Variants in CSTF2T observed in about 807,000 individuals in gnomAD.
The protein encoded by CSTF2T is CF-1 64 kDa subunit tau.
In CSTF2T, 18 loss-of-function variants were observed where a neutral mutation model predicts 39.9. The ratio of observed to expected loss-of-function variants is 0.45; its 90% CI spans 0.31 to 0.67. The LOEUF (loss-of-function observed/expected upper bound fraction) is 0.67. CSTF2T is among the 30% of genes least tolerant of loss of function. The pLI is 0.06. For missense variants in CSTF2T, 681 were observed against 789.0 expected (o/e 0.86, Z 1.64); for synonymous variants, 291 against 276.4 (o/e 1.05, Z -0.52).
chr10:51,699,589 G>T lies in CSTF2T; in HGVS notation c.-40C>A. On this transcript the variant is annotated 5_prime_UTR_variant, in exon 1 of 1. Coordinates refer to ENST00000331173, the MANE Select transcript of CSTF2T (RefSeq NM_015235.3). ...AGACAGCCGATAGCGGATTCTTCGA[G>T]GCGTCTGTCCTCTTGCGACCGACAC... is the stretch of plus-strand genomic sequence containing the variant. 6.3e-7 allele frequency: 1 copy of T among 1,575,512 alleles called. No individual in the cohort carries two copies. Among genetic ancestry groups the T allele is most frequent in the South Asian group, 1.2e-5 (1 of 85,028 alleles).
Position 51,698,294 on chromosome 10 carries a change from T to G in CSTF2T, c.1256A>C (p.Glu419Ala), listed in dbSNP as rs775981203. The change falls in exon 1 of 1, where the codon GAG (glutamate) becomes GCG (alanine). Residue 419 changes from glutamate to alanine, a missense_variant. Physicochemically the swap from Glu to Ala is moderately radical, Grantham distance 107 (BLOSUM62 -1). Transcript: ENST00000331173. ...GRGGRDSRAM[E>A]TRAMETEVLE... is the part of the protein sequence containing the mutation. The stretch of plus-strand genomic sequence containing the variant: ...GACCTCAGTTTCCATGGCACGAGTC[T>G]CCATCGCTCGAGAATCTCTACCACC... 6.8e-6 allele frequency: 11 copies of G among 1,614,132 alleles called. No individual in the cohort carries two copies. Among genetic ancestry groups the G allele is most frequent in the Non-Finnish European group, 9.3e-6 (11 of 1,180,034 alleles).
In CSTF2T at chr10:51,699,480, G is replaced by A; in HGVS notation, c.70C>T (p.Pro24Ser). The A allele has an allele frequency of 6.2e-7, 1 of 1,613,760 alleles. No homozygotes were observed. The highest frequency in any genetic ancestry group is 8.5e-7 in the Non-Finnish European group (1 of 1,179,986). The change falls in exon 1 of 1, where the codon CCA (proline) becomes TCA (serine). Residue 24 changes from proline (P) to serine (S), a missense_variant. Pro to Ser is a moderately conservative substitution (Grantham distance 74). Coordinates refer to ENST00000331173, the MANE Select transcript of CSTF2T (RefSeq NM_015235.3). Reference sequence around the variant, plus strand: ...AACTGCTCCTCAGTTGCCTCATATGGAATGTTCCCCACGAACACGGAACGC... The same window carrying A: ...AACTGCTCCTCAGTTGCCTCATATGAAATGTTCCCCACGAACACGGAACGC... The part of the protein sequence containing the change: ...SLRSVFVGNI[P>S]YEATEEQLKD...
rs757945354 is a variant in CSTF2T at position 51,697,707 on chromosome 10, C to G, written c.1843G>C (p.Ala615Pro). 1.2e-6 allele frequency: 2 copies of G among 1,614,120 alleles called. No homozygotes were observed. Among genetic ancestry groups the G allele is most frequent in the East Asian group, 2.2e-5 (1 of 44,882 alleles). Residue 615 changes from alanine to proline, a missense_variant, in exon 1 of 1, where the codon GCG (alanine) becomes CCG (proline). Ala to Pro is a conservative substitution (Grantham distance 27, BLOSUM62 -1). Coordinates refer to ENST00000331173, the MANE Select transcript of CSTF2T (RefSeq NM_015235.3). ...ATATTTTCTAAAACCTTTCAAGACG[C>G]TCCAGTGGATTTCTGGATTTGTTCC... The part of the protein sequence containing the change: ...LKEQIQKSTG[A>P]S
At position 51,697,898 on chromosome 10, in the gene CSTF2T, GC is replaced by G; in HGVS notation, c.1651del (p.Ala551GlnfsTer29). The part of the protein sequence containing the change: ...GGIQGGGIQG[A>X]SKQGGSQPSS... ...AGGCTGGCTTCCACCTTGCTTGCTT[GC>G]CCCCTGTATACCTCCTCCTTGTATA... is the stretch of plus-strand genomic sequence containing the variant. On this transcript the variant is annotated frameshift_variant, in exon 1 of 1. Transcript: ENST00000331173. LOFTEE classifies it high-confidence loss of function. The G allele has an allele frequency of 6.2e-7, 1 of 1,609,636 alleles. No homozygotes were observed. The highest frequency in any genetic ancestry group is 1.1e-5 in the South Asian group (1 of 90,702).
In CSTF2T at chr10:51,698,144, C is replaced by G. The variant is rs774169015; in HGVS notation, c.1406G>C (p.Gly469Ala). ...EMRGPVPSSR[G>A]PMTGGIQGPG... is the part of the protein sequence containing the mutation. ...ACCCTGAATTCCACCAGTCATAGGGCCTCTTGAACTGGGGACAGGGCCCCT... is the reference window on the plus strand; with the variant it reads ...ACCCTGAATTCCACCAGTCATAGGGGCTCTTGAACTGGGGACAGGGCCCCT... The change falls in exon 1 of 1, where the codon GGC (glycine) becomes GCC (alanine). Residue 469 changes from glycine to alanine, a missense_variant. This residue lies in a region of CSTF2T where 282 missense variants were observed against 289.2 expected (regional missense o/e 0.98). Transcript: ENST00000331173. 3.7e-6 allele frequency: 6 copies of G among 1,614,142 alleles called. No homozygotes were observed. The East Asian group carries it at 1.1e-4, about 30-fold the overall frequency.
Position 51,699,060 on chromosome 10 carries a change from G to A in CSTF2T, c.490C>T (p.Gln164Ter). ...SHQEARNMLL[Q>*]NPQLAYALLQ... ...AGTGCATAAGCCAGTTGTGGATTTT[G>A]AAGTAACATGTTTCGAGCTTCCTGG... Residue 164 changes from glutamine (Q) to a stop codon, truncating the protein, a stop_gained, in exon 1 of 1, where the codon CAA becomes TAA. Transcript: ENST00000331173. LOFTEE classifies it high-confidence loss of function. 6.2e-7 allele frequency: 1 copy of A among 1,614,214 alleles called. No homozygotes were observed. The highest frequency in any genetic ancestry group is 8.5e-7 in the Non-Finnish European group (1 of 1,180,034).
chr10:51,699,278 T>C lies in CSTF2T; in HGVS notation c.272A>G (p.Asn91Ser). The change falls in exon 1 of 1, where the codon AAT becomes AGT. Residue 91 changes from asparagine to serine, a missense_variant. Physicochemically the swap from Asn to Ser is conservative, Grantham distance 46. Coordinates refer to ENST00000331173, the MANE Select transcript of CSTF2T (RefSeq NM_015235.3). The stretch of plus-strand genomic sequence containing the variant: ...CTCCTTATTCTTTTCACTGGCAGCA[T>C]TGTCCACCCGAAGCGCTCTCCCACT... Reference protein sequence around the residue: ...EFSGRALRVDNAASEKNKEEL... With the variant: ...EFSGRALRVDSAASEKNKEEL... 1 of 1,614,056 alleles carries C rather than the reference T, an allele frequency of 6.2e-7. No homozygotes were observed. The highest frequency in any genetic ancestry group is 8.5e-7 in the Non-Finnish European group (1 of 1,179,998).
In CSTF2T at chr10:51,696,403, A is replaced by G. The variant is rs1643907144; in HGVS notation, c.*1296T>C. On this transcript the variant is annotated 3_prime_UTR_variant, in exon 1 of 1. Transcript: ENST00000331173. ...ATATCATGTATAACTCATCCAGATC[A>G]ACTAGTCCCTAGACACTGATTTTTG... The G allele has an allele frequency of 6.6e-6, 1 of 152,132 alleles. No individual in the cohort carries two copies. The highest frequency in any genetic ancestry group is 2.4e-5 in the African/African-American group (1 of 41,428). 9.4% of individuals were successfully genotyped at this position (152,132 alleles called of 1,614,324 possible). A position where few individuals can be genotyped will look rare whatever the true frequency, so the allele number is the denominator to read the frequency against.
rs1435126491 is a variant in CSTF2T at position 51,698,427 on chromosome 10, G to T, written c.1123C>A (p.Pro375Thr). The change falls in exon 1 of 1, where the codon CCT becomes ACT. Residue 375 changes from proline to threonine, a missense_variant. Pro to Thr is a conservative substitution (Grantham distance 38, BLOSUM62 -1). Around this residue, in one of 4 missense-constraint regions of CSTF2T, gnomAD observed 329 missense variants for 344.1 expected, o/e 0.96. Coordinates refer to ENST00000331173, the MANE Select transcript of CSTF2T (RefSeq NM_015235.3). ...HHASGHDTRG[P>T]SSHEMRGGPL... Reference sequence around the variant, plus strand: ...CCTCCCCTCATCTCATGTGAGGAAGGGCCACGAGTGTCATGACCAGAGGCA... The same window carrying T: ...CCTCCCCTCATCTCATGTGAGGAAGTGCCACGAGTGTCATGACCAGAGGCA... 1 of 1,614,076 alleles carries T rather than the reference G, an allele frequency of 6.2e-7. No individual in the cohort carries two copies. The highest frequency in any genetic ancestry group is 1.7e-5 in the Admixed American group (1 of 60,022).
At position 51,698,345 on chromosome 10, in the gene CSTF2T, TG is replaced by T; in HGVS notation, c.1204del (p.Gln402LysfsTer27). On this transcript the variant is annotated frameshift_variant, in exon 1 of 1. Coordinates refer to ENST00000331173, the MANE Select transcript of CSTF2T (RefSeq NM_015235.3). LOFTEE classifies it high-confidence loss of function. ...IGEPRGPMID[Q>X]RGLPMDGRGG... ...TCTACCATCCATAGGTAGACCCCTT[TG>T]ATCTATCATGGGGCCTCTGGGCTCT... is the stretch of plus-strand genomic sequence containing the variant. The T allele has an allele frequency of 6.2e-7, 1 of 1,614,162 alleles. No homozygotes were observed. Among genetic ancestry groups the T allele is most frequent in the Middle Eastern group, 1.6e-4 (1 of 6,062 alleles).
chr10:51,697,910 C>A lies in CSTF2T; in HGVS notation c.1640G>T (p.Gly547Val), dbSNP rs201330739. The change falls in exon 1 of 1, where the codon GGT (glycine) becomes GTT (valine). Residue 547 changes from glycine (G) to valine (V), a missense_variant. By Grantham distance (109) the Gly-to-Val change is moderately radical. This residue lies in a region of CSTF2T where 282 missense variants were observed against 289.2 expected (regional missense o/e 0.98). Coordinates refer to ENST00000331173, the MANE Select transcript of CSTF2T (RefSeq NM_015235.3). ...ACCTTGCTTGCTTGCCCCCTGTATA[C>A]CTCCTCCTTGTATACCTCCTCCTTG... ...SIQGGGIQGG[G>V]IQGASKQGGS... 8.1e-6 allele frequency: 13 copies of A among 1,601,060 alleles called. No individual in the cohort carries two copies. In the East Asian group the frequency reaches 2.8e-4, roughly 35 times the overall value.
rs758150172 is a variant in CSTF2T, at chr10:51,699,544, C to G, written c.6G>C (p.Ser2=). The change falls in exon 1 of 1, where the codon TCG becomes TCC. Residue 2 remains serine (S), a synonymous_variant. Transcript: ENST00000331173. The part of the protein sequence containing the change: M[S]SLAVRDPAMD... ...TTGCCGGGTCTCTCACCGCCAAACT[C>G]GACATGATTCCGGTTGTGCAGACAG... 1 of 1,608,458 alleles carries G rather than the reference C, an allele frequency of 6.2e-7. No individual in the cohort carries two copies. Among genetic ancestry groups the G allele is most frequent in the East Asian group, 2.2e-5 (1 of 44,856 alleles).
chr10:51,695,847 T>G lies in CSTF2T; in HGVS notation c.*1852A>C, dbSNP rs904312319. ...AGGGAAGATAACTCAATTTCTACATTTTCAGCTCTTTGTATTAAACATTTT... is the reference window on the plus strand; with the variant it reads ...AGGGAAGATAACTCAATTTCTACATGTTCAGCTCTTTGTATTAAACATTTT... On this transcript the variant is annotated 3_prime_UTR_variant, in exon 1 of 1. Transcript: ENST00000331173. 2 of 152,200 alleles carry G rather than the reference T, an allele frequency of 1.3e-5. No individual in the cohort carries two copies. Among genetic ancestry groups the G allele is most frequent in the African/African-American group, 4.8e-5 (2 of 41,456 alleles). The allele number at this position is 152,200 out of a possible 1,614,324, so 9.4% of individuals were successfully genotyped here.
At position 51,699,219 on chromosome 10, in the gene CSTF2T, T is replaced by C. The variant is rs1335079882; in HGVS notation, c.331A>G (p.Ile111Val). The change falls in exon 1 of 1, where the codon ATT (isoleucine) becomes GTT (valine). Residue 111 changes from isoleucine to valine, a missense_variant. Physicochemically the swap from Ile to Val is conservative, Grantham distance 29. This residue lies in a region of CSTF2T where 329 missense variants were observed against 344.1 expected (regional missense o/e 0.96). Transcript: ENST00000331173. ...ATGGGATCCCCATAGGGTGAGTCAATAATGGGCGCTGCAGGCCCAAGGCTC... is the reference window on the plus strand; with the variant it reads ...ATGGGATCCCCATAGGGTGAGTCAACAATGGGCGCTGCAGGCCCAAGGCTC... ...LKSLGPAAPI[I>V]DSPYGDPIDP... The C allele has an allele frequency of 6.2e-7, 1 of 1,614,144 alleles. No individual in the cohort carries two copies. Among genetic ancestry groups the C allele is most frequent in the Non-Finnish European group, 8.5e-7 (1 of 1,180,014 alleles).
rs1483632744 is a variant in CSTF2T, at chr10:51,695,901, T to A, written c.*1798A>T. 1 of 152,218 alleles carries A rather than the reference T, an allele frequency of 6.6e-6. No homozygotes were observed. The highest frequency in any genetic ancestry group is 6.5e-5 in the Admixed American group (1 of 15,280). 9.4% of individuals were successfully genotyped at this position (152,218 alleles called of 1,614,324 possible). A position where few individuals can be genotyped will look rare whatever the true frequency, so the allele number is the denominator to read the frequency against. On this transcript the variant is annotated 3_prime_UTR_variant, in exon 1 of 1. Coordinates refer to ENST00000331173, the MANE Select transcript of CSTF2T (RefSeq NM_015235.3). ...ATCTGTAACTAGATATTGGTTTTTC[T>A]TCTCCATAGTAAGATCACCTGATAT...
In CSTF2T at chr10:51,698,112, G is replaced by C. The variant is rs199709239; in HGVS notation, c.1438C>G (p.Pro480Ala). ...GGGCCACCTGCCCCTATATTAATGGGACCAGGACCCTGAATTCCACCAGTC... is the reference window on the plus strand; with the variant it reads ...GGGCCACCTGCCCCTATATTAATGGCACCAGGACCCTGAATTCCACCAGTC... ...PMTGGIQGPG[P>A]INIGAGGPPQ... Residue 480 changes from proline to alanine, a missense_variant, in exon 1 of 1, where the codon CCC becomes GCC. This residue lies in a region of CSTF2T where 282 missense variants were observed against 289.2 expected (regional missense o/e 0.98). Transcript: ENST00000331173. The C allele has an allele frequency of 8.7e-6, 14 of 1,614,046 alleles. No individual in the cohort carries two copies. In the East Asian group the frequency reaches 3.1e-4, roughly 36 times the overall value.
Position 51,698,240 on chromosome 10 carries a change from C to T in CSTF2T, c.1310G>A (p.Gly437Glu), listed in dbSNP as rs1289986521. 7 of 1,614,068 alleles carry T rather than the reference C, an allele frequency of 4.3e-6. No homozygotes were observed. The highest frequency in any genetic ancestry group is 5.9e-6 in the Non-Finnish European group (7 of 1,180,038). Residue 437 changes from glycine to glutamate, a missense_variant, in exon 1 of 1, where the codon GGA (glycine) becomes GAA (glutamate). Physicochemically the swap from Gly to Glu is moderately conservative, Grantham distance 98. Transcript: ENST00000331173. ...GGTTTCCATCGCACAGGTCTCCATT[C>T]CTCTCCTCTCCATTACACGTGTCTC... ...VLETRVMERR[G>E]METCAMETRG...
chr10:51,698,707 A>G lies in CSTF2T; in HGVS notation c.843T>C (p.Thr281=). ...AVPGAGPGSL[T]PGGAMQPQLG... ...GTTGGGGCTGCATTGCTCCTCCAGGAGTTAAGGAACCAGGACCAGCTCCGG... is the reference window on the plus strand; with the variant it reads ...GTTGGGGCTGCATTGCTCCTCCAGGGGTTAAGGAACCAGGACCAGCTCCGG... The change falls in exon 1 of 1, where the codon ACT becomes ACC. Residue 281 remains threonine, a synonymous_variant. Coordinates refer to ENST00000331173, the MANE Select transcript of CSTF2T (RefSeq NM_015235.3). 6.2e-7 allele frequency: 1 copy of G among 1,614,198 alleles called. No individual in the cohort carries two copies.
Position 51,696,972 on chromosome 10 carries a change from G to C in CSTF2T, c.*727C>G, listed in dbSNP as rs117136630. 6.6e-6 allele frequency: 1 copy of C among 151,928 alleles called. No homozygotes were observed. Among genetic ancestry groups the C allele is most frequent in the Non-Finnish European group, 1.5e-5 (1 of 67,988 alleles). 9.4% of individuals were successfully genotyped at this position (151,928 alleles called of 1,614,324 possible). A position where few individuals can be genotyped will look rare whatever the true frequency, so the allele number is the denominator to read the frequency against. ...CAGAGCGGACTTAAGTAACCTGGTT[G>C]ATCTTAGAATTGTCACAGCAAAATC... On this transcript the variant is annotated 3_prime_UTR_variant, in exon 1 of 1. Coordinates refer to ENST00000331173, the MANE Select transcript of CSTF2T (RefSeq NM_015235.3).
Sources: gnomAD v4.1 joint callset for allele counts on GRCh38, gnomAD v4.1.1 for gene constraint, gnomAD v4.1.1 regional missense constraint, MANE v1.5 for transcripts, NCBI Gene and HGNC (gene_info 2026-07-23, HGNC 2026-07-21) for gene names.